Variants in IMMP2L observed in about 807,000 individuals in gnomAD.
IMMP2L encodes the protein mitochondrial inner membrane protease subunit 2.
In IMMP2L, 18 loss-of-function variants were observed where a neutral mutation model predicts 19.3. That is an observed-to-expected ratio of 0.93 (90% confidence interval 0.64 to 1.38). The LOEUF (loss-of-function observed/expected upper bound fraction) is 1.38. Ranked by LOEUF, IMMP2L falls within the 40% of genes most tolerant of loss-of-function variation. The pLI is 0.00. For synonymous variants in IMMP2L, 76 were observed against 73.0 expected, an observed-to-expected ratio of 1.04 and a Z score of -0.21; for missense variants, 233 against 218.2, an observed-to-expected ratio of 1.07 and a Z score of -0.43.
intron 3 of IMMP2L, among the ~76,000 whole-genome samples, chr7:111,030,884 G>T (rs181084670): frequency 7.9e-6 from 1 of 127,142 alleles, no homozygotes. Context: ...GTGTGTGTGT[G>T]TATATATATA....
intron 5 of IMMP2L, among the ~76,000 whole-genome samples, chr7:110,844,505 G>C (rs1805448294): frequency 6.6e-6 from 1 of 151,936 alleles, no homozygotes; most frequent in Non-Finnish European, 1.5e-5. Flanking sequence ...AAACGGAGAA[G>C]GGTAAGCTTG....
At chr7:111,395,605 TC>T in intron 3 of IMMP2L, among the ~76,000 whole-genome samples, 2 of 152,304 alleles carry the variant, frequency 1.3e-5, no homozygotes, top group African/African-American at 4.8e-5. Flanking sequence ...ATGTAATCTT[TC>T]TTTATTCTGC....
chr7:111,442,524 T>A (rs1177528335), intron 3 of IMMP2L, among the ~76,000 whole-genome samples: 1 of 151,614 alleles, frequency 6.6e-6, no homozygotes, highest in Non-Finnish European at 1.5e-5. Context: ...TTGAATGAAA[T>A]CACCCTGAAA....
rs59490815 is a variant in IMMP2L, at chr7:110,946,449, T to C, written c.305+17051A>G. On this transcript the variant is annotated intron_variant, in intron 4 of 5. Transcript: ENST00000405709. ...ATGTCTCTATATCTCTAAAACCCAA[T>C]AGATTAATATTAACTCACTAATAAC... 0.012 allele frequency among the ~76,000 whole-genome samples: 1,786 copies of C among 152,246 alleles called. 90 individuals are homozygous for C. The East Asian group carries it at 0.21, about 18-fold the overall frequency.
chr7:111,381,398 C>A (rs1211848434), intron 3 of IMMP2L, among the ~76,000 whole-genome samples: 1 of 151,906 alleles, frequency 6.6e-6, no homozygotes, highest in Admixed American at 6.6e-5. Context: ...GAAATGTGAC[C>A]ATGACCACAA....
intron 3 of IMMP2L, among the ~76,000 whole-genome samples, chr7:111,347,458 G>A (rs1367415356): frequency 6.6e-6 from 1 of 152,056 alleles, no homozygotes; most frequent in African/African-American, 2.4e-5. Flanking sequence ...CTCATGTTTT[G>A]CTCCAAAGCC....
intron 5 of IMMP2L, among the ~76,000 whole-genome samples, chr7:110,835,059 C>T (rs1804313912): frequency 6.6e-6 from 1 of 152,194 alleles, no homozygotes; most frequent in East Asian, 1.9e-4. Context: ...ACCTGTGCCA[C>T]CTAGCCTTAG....
intron 3 of IMMP2L, among the ~76,000 whole-genome samples, chr7:111,262,434 G>A (rs559357113): frequency 3.0e-4 from 46 of 152,162 alleles, no homozygotes; most frequent in African/African-American, 9.9e-4. Context: ...AGCAAGTACA[G>A]AAGCCCTGCA....
intron 3 of IMMP2L, among the ~76,000 whole-genome samples, chr7:111,450,224 T>G (rs891513396): frequency 6.7e-6 from 1 of 150,294 alleles, no homozygotes. Context: ...AAAGTTCATA[T>G]GGAACCAAAA....
intron 3 of IMMP2L, among the ~76,000 whole-genome samples, chr7:111,001,600 C>T (rs1382365033): frequency 2.0e-5 from 3 of 152,114 alleles, no homozygotes; most frequent in Admixed American, 6.6e-5. Flanking sequence ...TTACACCTTA[C>T]ATGAATCAAT....
At chr7:110,836,876 C>A (rs557851706) in intron 5 of IMMP2L, among the ~76,000 whole-genome samples, 1 of 152,084 alleles carries the variant, frequency 6.6e-6, no homozygotes, top group Non-Finnish European at 1.5e-5. Flanking sequence ...TAATAAGGAT[C>A]CCCAGGGTGC....
chr7:111,317,154 A>G (rs1824199909), intron 3 of IMMP2L, among the ~76,000 whole-genome samples: 1 of 152,098 alleles, frequency 6.6e-6, no homozygotes, highest in East Asian at 1.9e-4. Context: ...TTGTACAGAC[A>G]TGAAAGTGTC....
chr7:111,143,195 A>T (rs1484216054), intron 3 of IMMP2L, among the ~76,000 whole-genome samples: 1 of 152,232 alleles, frequency 6.6e-6, no homozygotes, highest in Non-Finnish European at 1.5e-5. Flanking sequence ...AAAAGCATGG[A>T]TTTCAAAAAG....
At chr7:110,847,910 C>T (rs1012423788) in intron 5 of IMMP2L, among the ~76,000 whole-genome samples, 1 of 152,064 alleles carries the variant, frequency 6.6e-6, no homozygotes. Context: ...CAAAAATTAA[C>T]TCAAAATCAA....
chr7:111,487,399 T>C, intron 2 of IMMP2L, 58 bp from the exon 3 acceptor site: 4 of 983,392 alleles, frequency 4.1e-6, no homozygotes, highest in Middle Eastern at 2.1e-4. Context: ...TCTTCATGGT[T>C]CTTGCACTTC....
At chr7:111,007,440 CA>C (rs887785520) in intron 3 of IMMP2L, among the ~76,000 whole-genome samples, 78 of 152,228 alleles carry the variant, frequency 5.1e-4, no homozygotes, top group African/African-American at 1.9e-3. Flanking sequence ...TTGATATGTG[CA>C]TGTCACTGGA....
chr7:111,188,916 T>A (rs1367502360), intron 3 of IMMP2L, among the ~76,000 whole-genome samples: 1 of 152,096 alleles, frequency 6.6e-6, no homozygotes, highest in Non-Finnish European at 1.5e-5. Flanking sequence ...AAGGGAATTA[T>A]TATAACTAGC....
At chr7:111,115,681 T>A (rs1310099091) in intron 3 of IMMP2L, among the ~76,000 whole-genome samples, 1 of 151,992 alleles carries the variant, frequency 6.6e-6, no homozygotes, top group Non-Finnish European at 1.5e-5. Flanking sequence ...TTATATATAT[T>A]TCTTAGACAG....
chr7:111,225,583 G>A (rs1812995563), intron 3 of IMMP2L, among the ~76,000 whole-genome samples: 1 of 150,784 alleles, frequency 6.6e-6, no homozygotes, highest in Non-Finnish European at 1.5e-5. Context: ...ACTACTTATT[G>A]AGTTTTGGTA....
Sources: gnomAD v4.1 joint callset for allele counts (sites outside exome capture counted in the v4.1 genomes callset) on GRCh38, gnomAD v4.1.1 for gene constraint, MANE v1.5 for transcripts, NCBI Gene and HGNC (gene_info 2026-07-23, HGNC 2026-07-21) for gene names.